The following UBE2W variants were observed in gnomAD, a reference collection of about 807,000 sequenced individuals.
The protein encoded by UBE2W is ubiquitin-conjugating enzyme E2 W.
UBE2W carries 18 observed loss-of-function variants against 27.2 expected under a neutral mutation model. The ratio of observed to expected loss-of-function variants is 0.66; its 90% CI spans 0.46 to 0.98. The LOEUF is 0.98. Among genes scored for constraint, UBE2W ranks in the 50% least tolerant of loss-of-function variants. The pLI is 0.00. For synonymous variants in UBE2W, 53 were observed against 57.2 expected (o/e 0.93, Z 0.33); for missense variants, 90 against 180.2 (o/e 0.50, Z 2.87).
chr8:73,796,677 C>T lies in UBE2W; in HGVS notation c.443-2562G>A, dbSNP rs75788445. Reference sequence around the variant, plus strand: ...AGATCAACAGGGACTTGCGGGACTACGAATCCATGATGGCTATATGTAATC... The same window carrying T: ...AGATCAACAGGGACTTGCGGGACTATGAATCCATGATGGCTATATGTAATC... On this transcript the variant is annotated intron_variant, in intron 5 of 5. Transcript: ENST00000602593. 807 of 984,366 alleles carry T rather than the reference C, an allele frequency of 8.2e-4. 9 individuals are homozygous for T. In the African/African-American group the frequency reaches 0.013, roughly 16 times the overall value. The allele number at this position is 984,366 out of a possible 1,614,324, so 61.0% of individuals were successfully genotyped here.
intron 3 of UBE2W, among the ~76,000 whole-genome samples, chr8:73,814,373 C>T (rs114160262): frequency 0.018 from 2,706 of 152,232 alleles, 81 homozygotes; most frequent in African/African-American, 0.062. Flanking sequence ...GAACAGCCAA[C>T]GATGGAGACC....
rs1808186129 is a variant in UBE2W, at chr8:73,791,364, AAGAAT to A, written c.*2733_*2737del. ...GTCTTAATAGAATTTGGCAAACCAGAAGAATGGCCTAAAAATAAATAAATAAATAA... is the reference window on the plus strand; with the variant it reads ...GTCTTAATAGAATTTGGCAAACCAGAGGCCTAAAAATAAATAAATAAATAA... On this transcript the variant is annotated 3_prime_UTR_variant, in exon 6 of 6. Coordinates refer to ENST00000602593, the MANE Select transcript of UBE2W (RefSeq NM_018299.6). 1 of 984,738 alleles carries A rather than the reference AAGAAT, an allele frequency of 1.0e-6. No homozygotes were observed. The allele number at this position is 984,738 out of a possible 1,614,324, so 61.0% of individuals were successfully genotyped here.
In UBE2W at chr8:73,789,357, G is replaced by T; in HGVS notation, c.*4745C>A. The T allele has an allele frequency of 5.0e-6, 1 of 200,622 alleles. No individual in the cohort carries two copies. Among genetic ancestry groups the T allele is most frequent in the Non-Finnish European group, 8.0e-6 (1 of 125,122 alleles). The allele number at this position is 200,622 out of a possible 1,614,324, so 12.4% of individuals were successfully genotyped here. ...AAAAAAAAAAATTCTATCCATCCAG[G>T]CATGGTGGCACACACCTGTAGACTC... is the stretch of plus-strand genomic sequence containing the variant. On this transcript the variant is annotated 3_prime_UTR_variant, in exon 6 of 6. Coordinates refer to ENST00000602593, the MANE Select transcript of UBE2W (RefSeq NM_018299.6).
At chr8:73,805,152 C>A (rs1318202065) in intron 5 of UBE2W, among the ~76,000 whole-genome samples, 1 of 151,410 alleles carries the variant, frequency 6.6e-6, no homozygotes, top group Non-Finnish European at 1.5e-5. Context: ...TTTGTTTGCC[C>A]CATTAAAAAT....
At chr8:73,814,120 T>C (rs568910072) in intron 3 of UBE2W, among the ~76,000 whole-genome samples, 28 of 152,322 alleles carry the variant, frequency 1.8e-4, no homozygotes, top group Non-Finnish European at 5.9e-5. Context: ...TGCATACTGT[T>C]AGCCATCCTC....
chr8:73,800,824 T>G (rs1416633093), intron 5 of UBE2W, among the ~76,000 whole-genome samples: 1 of 152,236 alleles, frequency 6.6e-6, no homozygotes, highest in Non-Finnish European at 1.5e-5. Context: ...CTGGGCGCAG[T>G]GGCTCACACC....
intron 1 of UBE2W, among the ~76,000 whole-genome samples, chr8:73,870,745 G>A (rs1811970013): frequency 6.6e-6 from 1 of 151,198 alleles, no homozygotes; most frequent in Non-Finnish European, 1.5e-5. Context: ...ATTAGCGCTG[G>A]GATGGGAGAG....
chr8:73,865,180 CAAAAAAAA>C (rs11354153), intron 1 of UBE2W, among the ~76,000 whole-genome samples: 4 of 32,856 alleles, frequency 1.2e-4, no homozygotes, highest in African/African-American at 1.7e-4. Flanking sequence ...GTGCAAACGT[CAAAAAAAA>C]AAAAAAAAAA....
intron 2 of UBE2W, among the ~76,000 whole-genome samples, chr8:73,829,315 G>A (rs1029824033): frequency 1.3e-5 from 2 of 152,066 alleles, no homozygotes; most frequent in African/African-American, 4.8e-5. Flanking sequence ...AGGGACAGCT[G>A]TTACAGGATA....
intron 2 of UBE2W, among the ~76,000 whole-genome samples, chr8:73,829,890 C>G (rs1356058177): frequency 2.0e-5 from 3 of 152,106 alleles, no homozygotes; most frequent in African/African-American, 7.2e-5. Context: ...TCCATGATTT[C>G]AGAACATTTA....
chr8:73,868,904 A>T (rs966125875), intron 1 of UBE2W, among the ~76,000 whole-genome samples: 2 of 152,226 alleles, frequency 1.3e-5, no homozygotes, highest in Non-Finnish European at 1.5e-5. Flanking sequence ...TTAAAACACA[A>T]GCCTACATAA....
intron 1 of UBE2W, among the ~76,000 whole-genome samples, chr8:73,869,886 T>A (rs1195893110): frequency 3.9e-5 from 6 of 151,988 alleles, no homozygotes; most frequent in Non-Finnish European, 8.8e-5. Flanking sequence ...AACAGCTAAG[T>A]GAAAGAAGCC....
At chr8:73,829,200 T>C (rs1279746560) in intron 2 of UBE2W, among the ~76,000 whole-genome samples, 1 of 152,182 alleles carries the variant, frequency 6.6e-6, no homozygotes, top group Non-Finnish European at 1.5e-5. Flanking sequence ...AACAGTCCTT[T>C]AACTTTTTAT....
intron 1 of UBE2W, among the ~76,000 whole-genome samples, chr8:73,858,979 C>CGT (rs59095956): frequency 0.035 from 4,416 of 125,958 alleles, 103 homozygotes; most frequent in Middle Eastern, 0.078. Context: ...GGGGTTTTTG[C>CGT]GTGTGTGTGT....
intron 1 of UBE2W, among the ~76,000 whole-genome samples, chr8:73,866,286 AAAAAATATATAT>A (rs1245002776): frequency 6.7e-5 from 6 of 89,752 alleles, no homozygotes; most frequent in East Asian, 2.7e-4. Flanking sequence ...AAAAAAAAAA[AAAAAATATATAT>A]ATATATATAT....
rs533044108 is a variant in UBE2W, at chr8:73,871,338, G to A, written c.15+7470C>T. Reference sequence around the variant, plus strand: ...ATATACCAACATGGGGAGTACTACAGAAAACAAGTTTGGGTAAGATAAATA... The same window carrying A: ...ATATACCAACATGGGGAGTACTACAAAAAACAAGTTTGGGTAAGATAAATA... On this transcript the variant is annotated intron_variant, in intron 1 of 5. Transcript: ENST00000602593. Among the ~76,000 whole-genome samples, 14 of 152,328 alleles carry A rather than the reference G, an allele frequency of 9.2e-5. No homozygotes were observed. In the East Asian group the frequency reaches 2.7e-3, roughly 29 times the overall value.
chr8:73,800,183 A>G (rs918453230), intron 5 of UBE2W, among the ~76,000 whole-genome samples: 3 of 152,230 alleles, frequency 2.0e-5, no homozygotes, highest in African/African-American at 7.2e-5. Flanking sequence ...AAAAGTGAAG[A>G]AAAAGTTCAA....
intron 5 of UBE2W, among the ~76,000 whole-genome samples, chr8:73,799,850 A>G (rs1404338236): frequency 6.6e-6 from 1 of 152,178 alleles, no homozygotes; most frequent in African/African-American, 2.4e-5. Flanking sequence ...CTGTTCTGTA[A>G]GCCTTTGAAA....
intron 1 of UBE2W, among the ~76,000 whole-genome samples, chr8:73,878,398 G>A (rs1223245539): frequency 6.6e-6 from 1 of 152,176 alleles, no homozygotes; most frequent in Non-Finnish European, 1.5e-5. Flanking sequence ...CGCCGCCCCT[G>A]CCCCGGCAAC....
Sources: allele counts gnomAD v4.1 joint callset (sites outside exome capture counted in the v4.1 genomes callset), GRCh38; gene constraint gnomAD v4.1.1; transcripts MANE v1.5; gene names NCBI Gene and HGNC (gene_info 2026-07-23, HGNC 2026-07-21).